The following PTPRD variants were observed in gnomAD, a reference collection of about 807,000 sequenced individuals.
The protein encoded by PTPRD is receptor-type tyrosine-protein phosphatase delta.
In PTPRD, 34 loss-of-function variants were observed where a neutral mutation model predicts 214.5. That is an observed-to-expected ratio of 0.16 (90% CI 0.12 to 0.21). PTPRD has a LOEUF of 0.21. Ranked by LOEUF, PTPRD falls within the 10% of genes least tolerant of loss-of-function variation. The probability of loss-of-function intolerance (pLI) is 1.00; values close to 1 mark genes in which losing one functional copy is unlikely to be tolerated. For synonymous variants in PTPRD, 1,128 were observed against 845.7 expected (o/e 1.33, Z -5.79); for missense variants, 2,545 against 2,398.7 (o/e 1.06, Z -1.27).
intron 3 of PTPRD, among the ~76,000 whole-genome samples, chr9:10,186,178 G>T (rs1440199437): frequency 6.6e-6 from 1 of 151,834 alleles, no homozygotes; most frequent in Admixed American, 6.6e-5. Context: ...CAACGTTTTT[G>T]ATTGGAACTT....
intron 5 of PTPRD, among the ~76,000 whole-genome samples, chr9:9,825,067 T>G (rs1286027687): frequency 4.6e-5 from 7 of 152,014 alleles, no homozygotes; most frequent in Non-Finnish European, 8.8e-5. Context: ...ATCCATTAAT[T>G]AATGTCTAGT....
At chr9:9,739,311 A>G (rs977814926) in intron 6 of PTPRD, among the ~76,000 whole-genome samples, 4 of 152,194 alleles carry the variant, frequency 2.6e-5, no homozygotes, top group Admixed American at 2.6e-4. Context: ...CGTTTGCTAG[A>G]TATTTTTATA....
At chr9:9,689,507 C>T (rs983854664) in intron 7 of PTPRD, among the ~76,000 whole-genome samples, 1 of 151,662 alleles carries the variant, frequency 6.6e-6, no homozygotes, top group Admixed American at 6.6e-5. Flanking sequence ...GACTTATTCT[C>T]TACTATTTTG....
In PTPRD at chr9:8,948,438, TA is replaced by T. The variant is rs1567181452; in HGVS notation, c.-104+70258del. Among the ~76,000 whole-genome samples the T allele has an allele frequency of 1.2e-3, 7 of 5,896 alleles. 1 individual carries two copies. Among genetic ancestry groups the T allele is most frequent in the Non-Finnish European group, 3.0e-3 (7 of 2,340 alleles). The allele number at this position is 5,896 out of a possible 152,430, so 3.9% of individuals were successfully genotyped here. The stretch of plus-strand genomic sequence containing the variant: ...ATATATATATATTTATATATATATT[TA>T]CATATATATATATTTATATATATAT... On this transcript the variant is annotated intron_variant, in intron 11 of 45. Coordinates refer to ENST00000381196, the MANE Select transcript of PTPRD (RefSeq NM_002839.4).
intron 3 of PTPRD, among the ~76,000 whole-genome samples, chr9:10,105,675 T>C (rs1406719028): frequency 6.6e-6 from 1 of 151,874 alleles, no homozygotes; most frequent in East Asian, 1.9e-4. Context: ...AGGTTTTTAA[T>C]ACCAAAAGAT....
intron 11 of PTPRD, among the ~76,000 whole-genome samples, chr9:8,897,178 TA>T (rs2098623976): frequency 6.6e-6 from 1 of 152,172 alleles, no homozygotes; most frequent in Admixed American, 6.5e-5. Flanking sequence ...AAGGAATATT[TA>T]TTAAATGCCT....
At chr9:9,463,248 T>C (rs77295097) in intron 8 of PTPRD, among the ~76,000 whole-genome samples, 1,875 of 152,256 alleles carry the variant, frequency 0.012, 30 homozygotes, top group African/African-American at 0.043. Flanking sequence ...CTAGGGATCA[T>C]TGAATCCTTG....
chr9:9,456,254 A>G (rs2092981094), intron 8 of PTPRD, among the ~76,000 whole-genome samples: 1 of 151,876 alleles, frequency 6.6e-6, no homozygotes, highest in Non-Finnish European at 1.5e-5. Context: ...AAGGAGTTAG[A>G]GTGGACTGAT....
intron 3 of PTPRD, among the ~76,000 whole-genome samples, chr9:10,116,388 G>C (rs1240203580): frequency 6.6e-6 from 1 of 152,100 alleles, no homozygotes; most frequent in African/African-American, 2.4e-5. Flanking sequence ...ACAAGCCATA[G>C]TCATATTCAC....
At chr9:9,450,089 T>C (rs528143972) in intron 8 of PTPRD, among the ~76,000 whole-genome samples, 70 of 143,090 alleles carry the variant, frequency 4.9e-4, no homozygotes, top group Admixed American at 5.9e-4. Flanking sequence ...CTGAGTAGTA[T>C]TCCATGGTGT....
At chr9:9,586,041 T>A (rs1048667767) in intron 7 of PTPRD, among the ~76,000 whole-genome samples, 1 of 151,976 alleles carries the variant, frequency 6.6e-6, no homozygotes, top group Admixed American at 6.6e-5. Context: ...GACCTGAAAA[T>A]GTCCCCAACA....
intron 3 of PTPRD, among the ~76,000 whole-genome samples, chr9:10,271,284 T>C (rs1595833192): frequency 1.3e-5 from 2 of 152,300 alleles, no homozygotes; most frequent in South Asian, 2.1e-4. Flanking sequence ...AGACAATCTA[T>C]GTACATTTGC....
At chr9:9,066,326 A>C (rs1037935175) in intron 10 of PTPRD, among the ~76,000 whole-genome samples, 2 of 152,048 alleles carry the variant, frequency 1.3e-5, no homozygotes, top group Non-Finnish European at 2.9e-5. Context: ...GTTTTAAAAA[A>C]CATATTTAAC....
At chr9:10,402,249 T>G (rs1036307250) in intron 2 of PTPRD, among the ~76,000 whole-genome samples, 1 of 151,724 alleles carries the variant, frequency 6.6e-6, no homozygotes, top group Non-Finnish European at 1.5e-5. Context: ...TACATGGGGA[T>G]TTATGAAATA....
intron 4 of PTPRD, among the ~76,000 whole-genome samples, chr9:9,970,931 TTTTAAA>T (rs2154046902): frequency 6.6e-6 from 1 of 152,322 alleles, no homozygotes; most frequent in South Asian, 2.1e-4. Flanking sequence ...TTGTTCTAAA[TTTTAAA>T]TTTAAATTTT....
At chr9:8,714,273 T>G (rs1410300219) in intron 12 of PTPRD, among the ~76,000 whole-genome samples, 1 of 151,782 alleles carries the variant, frequency 6.6e-6, no homozygotes, top group African/African-American at 2.4e-5. Context: ...ACAAATATAA[T>G]CATCTTTACC....
chr9:10,106,013 CAAAAAAAA>C (rs35421883), intron 3 of PTPRD, among the ~76,000 whole-genome samples: 3 of 56,670 alleles, frequency 5.3e-5, no homozygotes, highest in Non-Finnish European at 6.7e-5. Flanking sequence ...ATCACATATT[CAAAAAAAA>C]AAAAAAAAAA....
chr9:8,358,725 C>T (rs954873020), intron 39 of PTPRD, among the ~76,000 whole-genome samples: 3 of 152,034 alleles, frequency 2.0e-5, no homozygotes, highest in African/African-American at 7.2e-5. Flanking sequence ...ATGCAACCTT[C>T]CTATTCTTGC....
intron 14 of PTPRD, among the ~76,000 whole-genome samples, chr9:8,536,478 T>C (rs1212745555): frequency 2.0e-5 from 3 of 151,830 alleles, no homozygotes; most frequent in Non-Finnish European, 4.4e-5. Context: ...TATACATATG[T>C]TATAGGCTTC....
Sources: gnomAD v4.1 joint callset for allele counts (sites outside exome capture counted in the v4.1 genomes callset) on GRCh38, gnomAD v4.1.1 for gene constraint, MANE v1.5 for transcripts, NCBI Gene and HGNC (gene_info 2026-07-23, HGNC 2026-07-21) for gene names.